SPIDR: variants seen among roughly 807,000 people sequenced by gnomAD.
The protein encoded by SPIDR is DNA repair-scaffolding protein.
In SPIDR, 93 loss-of-function variants were observed where a neutral mutation model predicts 104.6. The ratio of observed to expected loss-of-function variants is 0.89; its 90% CI spans 0.75 to 1.06. The LOEUF is 1.06. SPIDR is among the 50% of genes least tolerant of loss of function. SPIDR has a pLI of 0.00. For synonymous variants in SPIDR, 431 were observed against 416.9 expected (o/e 1.03, Z -0.41); for missense variants, 1,154 against 1,111.2 (o/e 1.04, Z -0.55).
In SPIDR at chr8:47,418,711, A is replaced by G. The variant is rs183235434; in HGVS notation, c.877+10750A>G. Among the ~76,000 whole-genome samples the G allele has an allele frequency of 4.0e-3, 603 of 152,290 alleles. 5 individuals carry two copies. The highest frequency in any genetic ancestry group is 0.013 in the African/African-American group (560 of 41,536). ...CTGTCTTGTGCAGTTTTCAAAGGGA[A>G]TGCTTCCAGTTTTTGCCCATTCAGC... is the stretch of plus-strand genomic sequence containing the variant. On this transcript the variant is annotated intron_variant, in intron 7 of 19. Transcript: ENST00000297423.
chr8:47,290,233 G>A (rs1336388865), intron 3 of SPIDR, among the ~76,000 whole-genome samples: 3 of 152,146 alleles, frequency 2.0e-5, no homozygotes, highest in Non-Finnish European at 2.9e-5. Context: ...AGTAGAGACA[G>A]GGTTTCACCA....
chr8:47,659,245 G>GGT (rs2073591200), intron 10 of SPIDR, among the ~76,000 whole-genome samples: 1 of 152,116 alleles, frequency 6.6e-6, no homozygotes, highest in Non-Finnish European at 1.5e-5. Flanking sequence ...GGAGACGGAG[G>GGT]GTGGCCTTGT....
chr8:47,397,943 A>G (rs1344805420), intron 6 of SPIDR, among the ~76,000 whole-genome samples: 1 of 152,162 alleles, frequency 6.6e-6, no homozygotes, highest in Admixed American at 6.5e-5. Flanking sequence ...TAGGGAAGGA[A>G]GGTGGAGAGG....
intron 10 of SPIDR, among the ~76,000 whole-genome samples, chr8:47,605,558 A>G (rs1381532232): frequency 1.3e-5 from 2 of 152,214 alleles, no homozygotes; most frequent in Admixed American, 6.5e-5. Flanking sequence ...TTAAATATGC[A>G]TAGAGGCTGG....
At chr8:47,592,509 A>C (rs2061153888) in intron 8 of SPIDR, 1 of 1,411,406 alleles carries the variant, frequency 7.1e-7, no homozygotes, top group African/African-American at 1.4e-5. Flanking sequence ...ACATGAAAAT[A>C]ACAGGCATTG....
At chr8:47,578,673 T>C (rs2059394044) in intron 8 of SPIDR, among the ~76,000 whole-genome samples, 1 of 152,164 alleles carries the variant, frequency 6.6e-6, no homozygotes, top group African/African-American at 2.4e-5. Context: ...ACTGCCATAG[T>C]GTGAATCTAA....
At chr8:47,486,028 G>A (rs1208605324) in intron 8 of SPIDR, among the ~76,000 whole-genome samples, 5 of 152,212 alleles carry the variant, frequency 3.3e-5, no homozygotes, top group Admixed American at 3.3e-4. Context: ...GTTGAGAGAT[G>A]AAGGCTTCAG....
chr8:47,636,549 G>A (rs1356904721), intron 10 of SPIDR, among the ~76,000 whole-genome samples: 6 of 152,194 alleles, frequency 3.9e-5, no homozygotes, highest in South Asian at 2.1e-4. Flanking sequence ...GGCCAGGCGC[G>A]GTGGCTCATG....
chr8:47,524,236 A>G (rs890922943), intron 8 of SPIDR, among the ~76,000 whole-genome samples: 1 of 152,248 alleles, frequency 6.6e-6, no homozygotes, highest in African/African-American at 2.4e-5. Flanking sequence ...ACCTGAAACT[A>G]GATTATGCAA....
chr8:47,353,585 C>A (rs1198707304), intron 5 of SPIDR, among the ~76,000 whole-genome samples: 1 of 151,984 alleles, frequency 6.6e-6, no homozygotes, highest in African/African-American at 2.4e-5. Flanking sequence ...TTGAAAGTGA[C>A]CAAAATGGCA....
intron 10 of SPIDR, among the ~76,000 whole-genome samples, chr8:47,672,007 G>A (rs1410771981): frequency 6.6e-6 from 1 of 152,088 alleles, no homozygotes; most frequent in Admixed American, 6.6e-5. Context: ...GCCCAGGCTG[G>A]AGTGCAGTGA....
chr8:47,393,765 GTCTT>G (rs1351510397), intron 5 of SPIDR, among the ~76,000 whole-genome samples: 2 of 106,742 alleles, frequency 1.9e-5, no homozygotes, highest in African/African-American at 7.5e-5. Flanking sequence ...CTTTCTTTCT[GTCTT>G]TCTTTTCTTT....
chr8:47,671,027 A>G (rs1041758965), intron 10 of SPIDR, among the ~76,000 whole-genome samples: 1 of 152,026 alleles, frequency 6.6e-6, no homozygotes, highest in Non-Finnish European at 1.5e-5. Flanking sequence ...CTCCCACCTC[A>G]GCCTTCTGAG....
intron 10 of SPIDR, among the ~76,000 whole-genome samples, chr8:47,662,462 A>G (rs2074273013): frequency 6.6e-6 from 1 of 152,206 alleles, no homozygotes; most frequent in Non-Finnish European, 1.5e-5. Flanking sequence ...AATGAGCACT[A>G]CTTTGCACCT....
intron 8 of SPIDR, among the ~76,000 whole-genome samples, chr8:47,525,946 G>C (rs2084917880): frequency 6.6e-6 from 1 of 152,126 alleles, no homozygotes; most frequent in Non-Finnish European, 1.5e-5. Context: ...AAAATGTGAT[G>C]CAATCTGCTC....
At chr8:47,417,928 A>C (rs1293451162) in intron 7 of SPIDR, among the ~76,000 whole-genome samples, 1 of 152,118 alleles carries the variant, frequency 6.6e-6, no homozygotes, top group East Asian at 1.9e-4. Context: ...AAGATCAGAT[A>C]GTTGTAGATA....
At chr8:47,488,215 T>C (rs1165645954) in intron 8 of SPIDR, among the ~76,000 whole-genome samples, 1 of 152,184 alleles carries the variant, frequency 6.6e-6, no homozygotes, top group East Asian at 1.9e-4. Flanking sequence ...CAGAGAATAC[T>C]ATAAACACCT....
chr8:47,576,429 G>A (rs1001169485), intron 8 of SPIDR, among the ~76,000 whole-genome samples: 1 of 152,128 alleles, frequency 6.6e-6, no homozygotes, highest in Non-Finnish European at 1.5e-5. Flanking sequence ...GGGATTACAG[G>A]CATGAGCCAC....
intron 11 of SPIDR, among the ~76,000 whole-genome samples, chr8:47,684,716 C>G (rs2077525693): frequency 1.3e-5 from 2 of 152,122 alleles, no homozygotes; most frequent in Non-Finnish European, 2.9e-5. Flanking sequence ...ACTTTGTTGT[C>G]TTGTTTTTAC....
Sources: gnomAD v4.1 joint callset for allele counts (sites outside exome capture counted in the v4.1 genomes callset) on GRCh38, gnomAD v4.1.1 for gene constraint, MANE v1.5 for transcripts, NCBI Gene and HGNC (gene_info 2026-07-23, HGNC 2026-07-21) for gene names.